Variants in IQSEC1 observed in about 807,000 individuals in gnomAD.
IQSEC1 encodes IQ motif and SEC7 domain-containing protein 1.
A neutral mutation model predicts 91.0 loss-of-function variants in IQSEC1; 31 were observed. The ratio of observed to expected loss-of-function variants is 0.34; its 90% CI spans 0.26 to 0.46. The LOEUF (loss-of-function observed/expected upper bound fraction) is 0.46. Ranked by LOEUF, IQSEC1 falls within the 20% of genes least tolerant of loss-of-function variation. The pLI is 1.00. For synonymous variants in IQSEC1, 699 were observed against 662.6 expected (o/e 1.05, Z -0.84); for missense variants, 1,388 against 1,575.6 (o/e 0.88, Z 2.02).
At chr3:12,981,960 C>A (rs1701483896) in intron 1 of IQSEC1, among the ~76,000 whole-genome samples, 1 of 152,242 alleles carries the variant, frequency 6.6e-6, no homozygotes, top group Non-Finnish European at 1.5e-5. Flanking sequence ...AGGTCACAGG[C>A]TGCAACTGGA....
At chr3:13,281,230 G>C (rs1279585310) in intron 1 of IQSEC1, among the ~76,000 whole-genome samples, 1 of 152,178 alleles carries the variant, frequency 6.6e-6, no homozygotes, top group Non-Finnish European at 1.5e-5. Context: ...GGGAGAAAGG[G>C]CCCGGGCCCC....
chr3:12,947,872 G>A (rs1366345526), intron 1 of IQSEC1, among the ~76,000 whole-genome samples: 1 of 152,258 alleles, frequency 6.6e-6, no homozygotes, highest in Non-Finnish European at 1.5e-5. Context: ...TGTGATGGAA[G>A]TGGTATGTGG....
chr3:12,998,667 AAG>A (rs1248278011), intron 1 of IQSEC1, among the ~76,000 whole-genome samples: 1 of 152,206 alleles, frequency 6.6e-6, no homozygotes, highest in African/African-American at 2.4e-5. Flanking sequence ...ATTAAAAAAA[AAG>A]AGGGGGTATA....
At chr3:13,222,795 C>T (rs1035222766) in intron 1 of IQSEC1, among the ~76,000 whole-genome samples, 1 of 152,190 alleles carries the variant, frequency 6.6e-6, no homozygotes, top group Non-Finnish European at 1.5e-5. Flanking sequence ...CCACAAAGGG[C>T]GACGTGTGTG....
chr3:13,041,359 C>T (rs1704260423), intron 1 of IQSEC1, among the ~76,000 whole-genome samples: 1 of 152,182 alleles, frequency 6.6e-6, no homozygotes, highest in Non-Finnish European at 1.5e-5. Flanking sequence ...GACTTCCTTT[C>T]TACAGCTGCC....
At chr3:13,196,609 G>T (rs1694131409) in intron 1 of IQSEC1, among the ~76,000 whole-genome samples, 1 of 152,228 alleles carries the variant, frequency 6.6e-6, no homozygotes, top group Non-Finnish European at 1.5e-5. Context: ...TGCGTGAGCA[G>T]CCTGCCAAGT....
At chr3:13,113,857 G>A (rs1366273527) in intron 2 of IQSEC1, among the ~76,000 whole-genome samples, 1 of 152,240 alleles carries the variant, frequency 6.6e-6, no homozygotes, top group African/African-American at 2.4e-5. Flanking sequence ...AACAGTGGAA[G>A]CACCCCGATG....
intron 1 of IQSEC1, among the ~76,000 whole-genome samples, chr3:13,268,841 G>A (rs1478338671): frequency 6.6e-6 from 1 of 152,164 alleles, no homozygotes; most frequent in Non-Finnish European, 1.5e-5. Context: ...AGGTATGGCT[G>A]CTGCCTGCCC....
At chr3:13,022,027 C>G in intron 1 of IQSEC1, 1 of 1,231,498 alleles carries the variant, frequency 8.1e-7, no homozygotes, top group Non-Finnish European at 1.0e-6. Context: ...GCACGCGTCC[C>G]GGTACCTGAG....
intron 2 of IQSEC1, among the ~76,000 whole-genome samples, chr3:13,081,327 G>A (rs1038492239): frequency 6.6e-6 from 1 of 152,156 alleles, no homozygotes; most frequent in Non-Finnish European, 1.5e-5. Flanking sequence ...GGAGTACAGT[G>A]GCACAATCAC....
intron 12 of IQSEC1, among the ~76,000 whole-genome samples, chr3:12,905,311 C>T (rs558138997): frequency 2.6e-5 from 4 of 152,390 alleles, no homozygotes; most frequent in African/African-American, 9.6e-5. Flanking sequence ...CAGGGCAGGG[C>T]GTAACGTGGC....
chr3:13,058,292 A>AGC (rs1197493019), intron 1 of IQSEC1, among the ~76,000 whole-genome samples: 3 of 152,162 alleles, frequency 2.0e-5, no homozygotes, highest in Non-Finnish European at 2.9e-5. Flanking sequence ...AAAAGGAAAA[A>AGC]ATAATTTTCA....
intron 2 of IQSEC1, among the ~76,000 whole-genome samples, chr3:13,119,468 A>T (rs1706388942): frequency 6.6e-6 from 1 of 152,266 alleles, no homozygotes; most frequent in Non-Finnish European, 1.5e-5. Context: ...AGATGACCTG[A>T]TACCGTCTGC....
intron 1 of IQSEC1, among the ~76,000 whole-genome samples, chr3:12,973,319 G>A (rs17037510): frequency 0.19 from 29,299 of 152,136 alleles, 4,173 homozygotes; most frequent in East Asian, 0.75. Context: ...TCCACGTCCT[G>A]GGTTGTTGCT....
intron 1 of IQSEC1, among the ~76,000 whole-genome samples, chr3:13,222,159 C>T (rs1694672754): frequency 6.6e-6 from 1 of 150,768 alleles, no homozygotes; most frequent in South Asian, 2.1e-4. Flanking sequence ...CCCCCAGCCC[C>T]TGGCACCTCC....
rs1275658107 is a variant in IQSEC1 at position 12,935,912 on chromosome 3, G to T, written c.1104C>A (p.Ile368=). 3 of 1,601,608 alleles carry T rather than the reference G, an allele frequency of 1.9e-6. No individual in the cohort carries two copies. In the Admixed American group the frequency reaches 5.0e-5, roughly 27 times the overall value. ...LRVEHLPLLT[I]EPPSDSSVDL... is the part of the protein sequence containing the mutation. ...CCACAGAGCTGTCGCTGGGTGGCTC[G>T]ATGGTGAGCAGCGGCAGATGCTCCA... The change falls in exon 3 of 14, where the codon ATC becomes ATA. Residue 368 remains isoleucine, a synonymous_variant. Transcript: ENST00000613206. This position sits in a 1 kb window ranked among gnomAD's most constrained non-coding sequence, Gnocchi z 8.0.
At position 13,008,642 on chromosome 3, in the gene IQSEC1, C is replaced by T. The variant is rs187871016; in HGVS notation, c.23+64350G>A. Among the ~76,000 whole-genome samples, 7 of 152,350 alleles carry T rather than the reference C, an allele frequency of 4.6e-5. No homozygotes were observed. Among genetic ancestry groups the T allele is most frequent in the African/African-American group, 1.7e-4 (7 of 41,568 alleles). ...GTGTGTTTGTTTACTTGTCACCTCT[C>T]TGCCTCCCCCAACCCCCAAATGCCA... On this transcript the variant is annotated intron_variant, in intron 1 of 13. Transcript: ENST00000613206. The surrounding 1 kb of genome is among the most constrained non-coding windows in gnomAD (Gnocchi z 4.1).
chr3:13,019,519 C>T (rs560739595), intron 1 of IQSEC1, among the ~76,000 whole-genome samples: 3 of 152,352 alleles, frequency 2.0e-5, no homozygotes, highest in African/African-American at 7.2e-5. Context: ...CAGGGCTTCC[C>T]TGGCAGCCGA....
chr3:12,946,745 G>A (rs1483064321), intron 1 of IQSEC1, among the ~76,000 whole-genome samples: 1 of 152,162 alleles, frequency 6.6e-6, no homozygotes, highest in Admixed American at 6.5e-5. Context: ...ATGTGGCCGA[G>A]AAGCCAGTCA....
Sources: gnomAD v4.1 joint callset for allele counts (sites outside exome capture counted in the v4.1 genomes callset) on GRCh38, gnomAD v4.1.1 for gene constraint, Gnocchi (gnomAD v3.1) non-coding constraint, MANE v1.5 for transcripts, NCBI Gene and HGNC (gene_info 2026-07-23, HGNC 2026-07-21) for gene names.